The following MEPE variants were observed in gnomAD, a reference collection of about 807,000 sequenced individuals.
MEPE encodes matrix extracellular phosphoglycoprotein.
Under a neutral mutation model 7.3 loss-of-function variants are expected in MEPE, and 7 were observed. The observed-to-expected ratio is 0.95, with a 90% CI of 0.54 to 1.79. The LOEUF (loss-of-function observed/expected upper bound fraction) is 1.79, where lower values mean the gene tolerates loss of function less well. Ranked by LOEUF, MEPE falls within the 40% of genes most tolerant of loss-of-function variation. MEPE has a pLI of 0.00. For missense variants in MEPE, 623 were observed against 628.2 expected, an observed-to-expected ratio of 0.99 and a Z score of 0.09; for synonymous variants, 214 against 213.1, an observed-to-expected ratio of 1.00 and a Z score of -0.04.
In MEPE at chr4:87,844,585, AAGAG is replaced by A. The variant is rs375234094; in HGVS notation, c.109-374_109-371del. Among the ~76,000 whole-genome samples the A allele has an allele frequency of 6.6e-3, 990 of 150,282 alleles. 8 individuals are homozygous for A. The highest frequency in any genetic ancestry group is 0.022 in the African/African-American group (902 of 41,060). On this transcript the variant is annotated intron_variant, in intron 3 of 3. Transcript: ENST00000361056. ...GATCAGAATGAAGGGAGAAAAGAGA[AAGAG>A]AGAGAGAGAGAGAGAGAACTAATTT...
Position 87,845,021 on chromosome 4 carries a change from C to A in MEPE, c.153C>A (p.Gly51=). ...NKDNIGFHHL[G]KRINQELSSK... Reference sequence around the variant, plus strand: ...ACAATATTGGTTTTCACCATTTGGGCAAGAGAATAAATCAAGAGCTATCAT... The same window carrying A: ...ACAATATTGGTTTTCACCATTTGGGAAAGAGAATAAATCAAGAGCTATCAT... Residue 51 remains glycine (G), a synonymous_variant, in exon 4 of 4, where the codon GGC becomes GGA. Transcript: ENST00000361056. The A allele has an allele frequency of 6.3e-7, 1 of 1,596,848 alleles. No individual in the cohort carries two copies. The highest frequency in any genetic ancestry group is 8.5e-7 in the Non-Finnish European group (1 of 1,174,400).
upstream of MEPE, among the ~76,000 whole-genome samples, chr4:87,830,008 G>A (rs1722562460): frequency 6.6e-6 from 1 of 151,992 alleles, no homozygotes; most frequent in East Asian, 1.9e-4. Context: ...GTAGAGTCAG[G>A]ATTTGAACTC....
At chr4:87,827,064 T>C (rs1722488362) in intron 1 of MEPE, among the ~76,000 whole-genome samples, 1 of 152,190 alleles carries the variant, frequency 6.6e-6, no homozygotes. Flanking sequence ...AAGTCCAGCC[T>C]ATTCTGCAGG....
chr4:87,827,432 A>G (rs1238427646), intron 1 of MEPE, among the ~76,000 whole-genome samples: 1 of 152,208 alleles, frequency 6.6e-6, no homozygotes, highest in Non-Finnish European at 1.5e-5. Flanking sequence ...GACGATATAC[A>G]CCCTAATTTG....
intron 2 of MEPE, among the ~76,000 whole-genome samples, chr4:87,835,566 T>C (rs966045918): frequency 2.6e-5 from 4 of 152,168 alleles, no homozygotes; most frequent in African/African-American, 9.7e-5. Context: ...GGGTGACTGC[T>C]AGGGTAACCA....
Position 87,846,523 on chromosome 4 carries a change from A to G in MEPE, c.*77A>G, listed in dbSNP as rs561124973. On this transcript the variant is annotated 3_prime_UTR_variant, in exon 4 of 4. Transcript: ENST00000361056. Reference sequence around the variant, plus strand: ...AGTTGATGTAGAGGAGAGCCACCTGACAGCTGACCAGGTGAAGAGAGGATA... The same window carrying G: ...AGTTGATGTAGAGGAGAGCCACCTGGCAGCTGACCAGGTGAAGAGAGGATA... 2.1e-6 allele frequency: 3 copies of G among 1,461,862 alleles called. No individual in the cohort carries two copies. Among genetic ancestry groups the G allele is most frequent in the Middle Eastern group, 2.4e-4 (1 of 4,248 alleles). 90.6% of individuals were successfully genotyped at this position (1,461,862 alleles called of 1,614,324 possible).
chr4:87,834,853 T>C, intron 2 of MEPE, 85 bp downstream of exon 2: 1 of 1,095,536 alleles, frequency 9.1e-7, no homozygotes, highest in African/African-American at 1.6e-5. Context: ...CTATTTAAAT[T>C]AGTAGCATCT....
At chr4:87,844,235 G>C (rs1401216500) in intron 3 of MEPE, among the ~76,000 whole-genome samples, 1 of 152,158 alleles carries the variant, frequency 6.6e-6, no homozygotes, top group African/African-American at 2.4e-5. Context: ...ATACGGTATA[G>C]TCAATCTCAG....
chr4:87,835,514 A>C (rs1484678463), intron 2 of MEPE, among the ~76,000 whole-genome samples: 1 of 152,218 alleles, frequency 6.6e-6, no homozygotes, highest in Non-Finnish European at 1.5e-5. Flanking sequence ...ACAAATAGTC[A>C]TCCCATTGCC....
chr4:87,846,431 G>GA lies in MEPE; in HGVS notation c.1564dup (p.Ser522LysfsTer4), dbSNP rs767934775. ...CATCTGACAGTGGCAGTTCAAGTGA[G>GA]AGCGATGGTGACTAGTCCACCAGGA... On this transcript the variant is annotated frameshift_variant, in exon 4 of 4. Transcript: ENST00000361056. LOFTEE classifies it high-confidence loss of function. The GA allele has an allele frequency of 3.7e-6, 6 of 1,612,752 alleles. No individual in the cohort carries two copies. Among genetic ancestry groups the GA allele is most frequent in the Non-Finnish European group, 5.1e-6 (6 of 1,179,366 alleles).
chr4:87,826,376 A>G (rs994059158), intron 1 of MEPE, among the ~76,000 whole-genome samples: 3 of 143,400 alleles, frequency 2.1e-5, no homozygotes, highest in African/African-American at 7.8e-5. Flanking sequence ...ACACCACCAC[A>G]ACAGTTTTTT....
intron 3 of MEPE, among the ~76,000 whole-genome samples, chr4:87,842,444 G>T (rs1433273887): frequency 6.6e-6 from 1 of 152,134 alleles, no homozygotes; most frequent in African/African-American, 2.4e-5. Flanking sequence ...TTGTCAAAAA[G>T]CACAAAATTA....
At chr4:87,836,763 C>T (rs923017451) in intron 2 of MEPE, among the ~76,000 whole-genome samples, 8 of 152,150 alleles carry the variant, frequency 5.3e-5, no homozygotes, top group Admixed American at 3.9e-4. Flanking sequence ...GACTTTGAGG[C>T]AGAAGATTTA....
At position 87,845,088 on chromosome 4, in the gene MEPE, CT is replaced by C. The variant is rs760160017; in HGVS notation, c.223del (p.Ser75LeufsTer22). On this transcript the variant is annotated frameshift_variant, in exon 4 of 4. Transcript: ENST00000361056. LOFTEE classifies it low-confidence loss of function (END_TRUNC). ...CCAGGAAAGAAAGAAAGATTTGTCC[CT>C]TTCTGAAGCCAGTGAGAATAAGGGA... ...IVQERKKDLSLSEASENKGSS... is the reference protein window; with the variant it reads ...IVQERKKDLSXSEASENKGSS... 2 of 1,613,616 alleles carry C rather than the reference CT, an allele frequency of 1.2e-6. No homozygotes were observed. Among genetic ancestry groups the C allele is most frequent in the South Asian group, 2.2e-5 (2 of 91,012 alleles).
chr4:87,828,319 AC>A (rs542202003), upstream of MEPE, among the ~76,000 whole-genome samples: 9 of 152,348 alleles, frequency 5.9e-5, no homozygotes, highest in African/African-American at 2.2e-4. Context: ...GCAAGTTAGA[AC>A]ATACAGAAAA....
Position 87,845,260 on chromosome 4 carries a change from A to T in MEPE, c.392A>T (p.Asp131Val). The change falls in exon 4 of 4, where the codon GAT (aspartate) becomes GTT (valine). Residue 131 changes from aspartate to valine, a missense_variant. Coordinates refer to ENST00000361056, the MANE Select transcript of MEPE (RefSeq NM_020203.6). ...TGNKGFEDGDDAISKLHDQEE... is the reference protein window; with the variant it reads ...TGNKGFEDGDVAISKLHDQEE... ...AATAAAGGGTTTGAGGATGGAGATG[A>T]TGCTATCAGCAAACTACATGACCAA... The T allele has an allele frequency of 6.2e-7, 1 of 1,614,058 alleles. No individual in the cohort carries two copies. Among genetic ancestry groups the T allele is most frequent in the Non-Finnish European group, 8.5e-7 (1 of 1,179,962 alleles).
chr4:87,836,866 T>G (rs1464934006), intron 2 of MEPE, among the ~76,000 whole-genome samples: 1 of 152,218 alleles, frequency 6.6e-6, no homozygotes, highest in Non-Finnish European at 1.5e-5. Flanking sequence ...AAGGTTACTT[T>G]GGGACTCATA....
At chr4:87,839,610 A>T (rs967651068) in intron 3 of MEPE, 2 of 1,001,970 alleles carry the variant, frequency 2.0e-6, no homozygotes, top group South Asian at 1.5e-5. Flanking sequence ...AAAGTTTCTT[A>T]TATTATTACA....
chr4:87,845,588 T>A lies in MEPE; in HGVS notation c.720T>A (p.Gly240=), dbSNP rs1015103794. 4.3e-6 allele frequency: 7 copies of A among 1,613,316 alleles called. No individual in the cohort carries two copies. The highest frequency in any genetic ancestry group is 3.3e-5 in the Admixed American group (2 of 59,856). The change falls in exon 4 of 4, where the codon GGT becomes GGA. Residue 240 remains glycine, a synonymous_variant. Coordinates refer to ENST00000361056, the MANE Select transcript of MEPE (RefSeq NM_020203.6). ...TCCCCAGTGATTTTGAAGGCAGCGG[T>A]TATACAGATCTTCAAGAGAGAGGGG... ...KKIPSDFEGS[G]YTDLQERGDN...
Sources: gnomAD v4.1 joint callset for allele counts (sites outside exome capture counted in the v4.1 genomes callset) on GRCh38, gnomAD v4.1.1 for gene constraint, MANE v1.5 for transcripts, NCBI Gene and HGNC (gene_info 2026-07-23, HGNC 2026-07-21) for gene names.